Variants in FYB1 observed in about 807,000 individuals in gnomAD.
The protein encoded by FYB1 is FYN binding protein 1.
A neutral mutation model predicts 94.1 loss-of-function variants in FYB1; 41 were observed. That is an observed-to-expected ratio of 0.44 (90% CI 0.34 to 0.57). The LOEUF is 0.57. Ranked by LOEUF, FYB1 falls within the 20% of genes least tolerant of loss-of-function variation. The probability of loss-of-function intolerance (pLI) is 0.02; values close to 1 mark genes in which losing one functional copy is unlikely to be tolerated. For synonymous variants in FYB1, 367 were observed against 353.2 expected (o/e 1.04, Z -0.44); for missense variants, 1,050 against 976.8 (o/e 1.07, Z -1.00).
At chr5:39,272,712 A>G (rs924042049) in intron 1 of FYB1, among the ~76,000 whole-genome samples, 2 of 150,788 alleles carry the variant, frequency 1.3e-5, no homozygotes, top group East Asian at 2.0e-4. Context: ...AATCTTAGTC[A>G]TGCTACAATT....
At chr5:39,272,619 C>T (rs373312455) in intron 1 of FYB1, among the ~76,000 whole-genome samples, 56 of 146,508 alleles carry the variant, frequency 3.8e-4, no homozygotes, top group African/African-American at 1.4e-3. Context: ...TTGCAGTGAG[C>T]CGAGATTGCG....
chr5:39,226,137 C>T (rs762958900), intron 1 of FYB1, among the ~76,000 whole-genome samples: 1 of 152,156 alleles, frequency 6.6e-6, no homozygotes, highest in Non-Finnish European at 1.5e-5. Context: ...TGAGGATTGG[C>T]TTTAGACTCC....
At position 39,186,028 on chromosome 5, in the gene FYB1, C is replaced by G. The variant is rs530901397; in HGVS notation, c.1135+15798G>C. Among the ~76,000 whole-genome samples, 5 of 152,250 alleles carry G rather than the reference C, an allele frequency of 3.3e-5. No individual in the cohort carries two copies. In the South Asian group the frequency reaches 6.2e-4, roughly 19 times the overall value. On this transcript the variant is annotated intron_variant, in intron 2 of 18. Transcript: ENST00000512982. ...AGCACCTGGATTGAAGACTGGCTGTCAAAGTGCCCCATGTCCGGGCACACT... is the reference window on the plus strand; with the variant it reads ...AGCACCTGGATTGAAGACTGGCTGTGAAAGTGCCCCATGTCCGGGCACACT...
At chr5:39,116,809 C>A (rs569481733) in intron 16 of FYB1, among the ~76,000 whole-genome samples, 1 of 149,004 alleles carries the variant, frequency 6.7e-6, no homozygotes, top group Admixed American at 6.8e-5. Flanking sequence ...GAATGTCATG[C>A]CATTTTTATA....
intron 1 of FYB1, among the ~76,000 whole-genome samples, chr5:39,239,981 T>C (rs1008637566): frequency 1.3e-5 from 2 of 152,064 alleles, no homozygotes; most frequent in Non-Finnish European, 2.9e-5. Flanking sequence ...AACAGACACA[T>C]AGACCAATGG....
rs144290721 is a variant in FYB1, at chr5:39,169,903, T to C, written c.1136-16299A>G. On this transcript the variant is annotated intron_variant, in intron 2 of 18. Transcript: ENST00000512982. ...GACAGGTGTCTTTCCTTTTTCCTTT[T>C]TGATTTCCACCCTCCCAGTAGGCTC... The C allele has an allele frequency of 4.0e-3, 2,422 of 607,898 alleles. 48 individuals are homozygous for C. In the African/African-American group the frequency reaches 0.04, roughly 10 times the overall value. 37.7% of individuals were successfully genotyped at this position (607,898 alleles called of 1,614,324 possible).
intron 2 of FYB1, among the ~76,000 whole-genome samples, chr5:39,166,583 C>T (rs1037962342): frequency 6.6e-6 from 1 of 151,934 alleles, no homozygotes; most frequent in Non-Finnish European, 1.5e-5. Context: ...ATGGATGACA[C>T]TGATAAAGAA....
intron 1 of FYB1, among the ~76,000 whole-genome samples, chr5:39,238,948 C>T (rs1182644170): frequency 1.3e-5 from 2 of 152,006 alleles, no homozygotes; most frequent in African/African-American, 4.8e-5. Flanking sequence ...CTGACTTGCT[C>T]ATGGAGACTT....
Position 39,132,136 on chromosome 5 carries a change from A to C in FYB1, c.1818-1524T>G, listed in dbSNP as rs530483643. On this transcript the variant is annotated intron_variant, in intron 9 of 18. Transcript: ENST00000512982. ...GACAGCTGTCAGGGGCTGTGCTTTG[A>C]AGCCTCAAAACTGCTCCCGGAGTTT... 2.4e-4 allele frequency among the ~76,000 whole-genome samples: 37 copies of C among 152,314 alleles called. No individual in the cohort carries two copies. In the South Asian group the frequency reaches 7.5e-3, roughly 31 times the overall value.
At chr5:39,182,100 C>T (rs372105781) in intron 2 of FYB1, among the ~76,000 whole-genome samples, 1 of 151,552 alleles carries the variant, frequency 6.6e-6, no homozygotes, top group South Asian at 2.1e-4. Context: ...GCTTAAGCCC[C>T]AAGTCCTTAA....
At chr5:39,228,275 A>G (rs1173325119) in intron 1 of FYB1, among the ~76,000 whole-genome samples, 1 of 152,224 alleles carries the variant, frequency 6.6e-6, no homozygotes, top group Non-Finnish European at 1.5e-5. Flanking sequence ...CTGAGGAACA[A>G]TTATGACTGA....
Position 39,179,345 on chromosome 5 carries a change from G to A in FYB1, c.1135+22481C>T, listed in dbSNP as rs181861125. Among the ~76,000 whole-genome samples the A allele has an allele frequency of 2.1e-3, 326 of 152,158 alleles. 1 individual carries two copies. The highest frequency in any genetic ancestry group is 3.6e-3 in the Non-Finnish European group (248 of 68,016). ...CAGTGGAACAGCAGGATGGGTCTGG[G>A]TTCCAGTGTGGGAACAAGAAAATGG... On this transcript the variant is annotated intron_variant, in intron 2 of 18. Coordinates refer to ENST00000512982, the MANE Select transcript of FYB1 (RefSeq NM_001465.6).
intron 2 of FYB1, among the ~76,000 whole-genome samples, chr5:39,189,488 G>A (rs1747168622): frequency 6.6e-6 from 1 of 152,102 alleles, no homozygotes; most frequent in Non-Finnish European, 1.5e-5. Flanking sequence ...TCTGGGAGGA[G>A]GCCTTTGAAT....
At chr5:39,209,283 A>G (rs1749140734) in intron 1 of FYB1, among the ~76,000 whole-genome samples, 1 of 152,144 alleles carries the variant, frequency 6.6e-6, no homozygotes, top group Non-Finnish European at 1.5e-5. Context: ...TATCGATAAT[A>G]GAACAGCAGT....
intron 3 of FYB1, among the ~76,000 whole-genome samples, chr5:39,146,572 T>C (rs549503935): frequency 3.3e-5 from 5 of 152,294 alleles, no homozygotes; most frequent in African/African-American, 1.2e-4. Context: ...CAAATTATCA[T>C]TGGTGAAAAG....
chr5:39,118,512 T>C (rs1739771836), intron 16 of FYB1, among the ~76,000 whole-genome samples: 1 of 152,168 alleles, frequency 6.6e-6, no homozygotes, highest in Non-Finnish European at 1.5e-5. Context: ...TGTTTTTACC[T>C]GATTTCTAGA....
chr5:39,202,674 G>T lies in FYB1; in HGVS notation c.287C>A (p.Ala96Asp), dbSNP rs754251823. 1.7e-5 allele frequency: 28 copies of T among 1,613,720 alleles called. No individual in the cohort carries two copies. In the Middle Eastern group the frequency reaches 9.9e-4, roughly 57 times the overall value. ...TGAGQRFGTP[A>D]SLTTRDPEAK... ...CTCGGGGTCTCTGGTGGTCAAGCTGGCTGGTGTTCCGAATCTTTGGCCTGC... is the reference window on the plus strand; with the variant it reads ...CTCGGGGTCTCTGGTGGTCAAGCTGTCTGGTGTTCCGAATCTTTGGCCTGC... Residue 96 changes from alanine (A) to aspartate (D), a missense_variant, in exon 2 of 19, where the codon GCC (alanine) becomes GAC (aspartate). Physicochemically the swap from Ala to Asp is moderately radical, Grantham distance 126 (BLOSUM62 -2). Coordinates refer to ENST00000512982, the MANE Select transcript of FYB1 (RefSeq NM_001465.6).
intron 10 of FYB1, among the ~76,000 whole-genome samples, chr5:39,128,265 CTT>C (rs1459882449): frequency 2.6e-5 from 4 of 152,014 alleles, no homozygotes; most frequent in African/African-American, 9.7e-5. Context: ...TGAAAAGTGA[CTT>C]TTAAAATACA....
At chr5:39,260,873 T>C (rs1162582535) in intron 1 of FYB1, among the ~76,000 whole-genome samples, 1 of 152,090 alleles carries the variant, frequency 6.6e-6, no homozygotes, top group East Asian at 1.9e-4. Context: ...AACTGAGATA[T>C]GTCCATATGA....
Sources: allele counts gnomAD v4.1 joint callset (sites outside exome capture counted in the v4.1 genomes callset), GRCh38; gene constraint gnomAD v4.1.1; transcripts MANE v1.5; gene names NCBI Gene and HGNC (gene_info 2026-07-23, HGNC 2026-07-21).